Variants in DIP2C observed in about 807,000 individuals in gnomAD.
DIP2C encodes the protein DIP2 acetate--CoA ligase C (putative), also known as disco-interacting protein 2 homolog C.
In DIP2C, 33 loss-of-function variants were observed where a neutral mutation model predicts 192.4. That is an observed-to-expected ratio of 0.17 (90% CI 0.13 to 0.23). The LOEUF is 0.23. DIP2C is among the 10% of genes least tolerant of loss of function. The probability of loss-of-function intolerance (pLI) is 1.00; values close to 1 mark genes in which losing one functional copy is unlikely to be tolerated. For missense variants in DIP2C, 1,537 were observed against 2,110.1 expected, an observed-to-expected ratio of 0.73 and a Z score of 5.32; for synonymous variants, 979 against 864.1, an observed-to-expected ratio of 1.13 and a Z score of -2.33.
intron 1 of DIP2C, among the ~76,000 whole-genome samples, chr10:509,154 C>T (rs1358494003): frequency 1.3e-5 from 2 of 152,024 alleles, no homozygotes; most frequent in South Asian, 2.1e-4. Flanking sequence ...AACTAGGGGT[C>T]GATTGGTTTT....
chr10:606,492 ATTGG>A (rs1318535417), intron 1 of DIP2C, among the ~76,000 whole-genome samples: 1 of 150,406 alleles, frequency 6.6e-6, no homozygotes, highest in African/African-American at 2.5e-5. Context: ...CTGAATTCTC[ATTGG>A]TTGGGAGGGG....
At chr10:391,529 A>G (rs933637273) in intron 10 of DIP2C, among the ~76,000 whole-genome samples, 5 of 152,360 alleles carry the variant, frequency 3.3e-5, no homozygotes, top group African/African-American at 1.2e-4. Flanking sequence ...GACCTACGCC[A>G]GTCGTCACTC....
chr10:380,329 G>GCGCAGAAGAGGC lies in DIP2C; in HGVS notation c.1991+2317_1991+2318insGCCTCTTCTGCG, dbSNP rs1962244947. Among the ~76,000 whole-genome samples, 26 of 148,254 alleles carry GCGCAGAAGAGGC rather than the reference G, an allele frequency of 1.8e-4. No individual in the cohort carries two copies. In the South Asian group the frequency reaches 4.4e-3, roughly 25 times the overall value. ...AGGCTGTCCCTGGAAGATGGTTAAC[G>GCGCAGAAGAGGC]TGCAGAAGAGGCTGTCCCTGGAAGA... On this transcript the variant is annotated intron_variant, in intron 17 of 36. Transcript: ENST00000280886.
At chr10:620,236 G>A (rs61676960) in intron 1 of DIP2C, among the ~76,000 whole-genome samples, 7,108 of 152,128 alleles carry the variant, frequency 0.047, 215 homozygotes, top group East Asian at 0.14. Flanking sequence ...TCTATTTTAT[G>A]GGAGTGTTTC....
chr10:629,239 C>T (rs1270595860), intron 1 of DIP2C, among the ~76,000 whole-genome samples: 2 of 152,304 alleles, frequency 1.3e-5, no homozygotes, highest in Admixed American at 1.3e-4. Context: ...ATTAATTCTC[C>T]TCATGGTCCC....
chr10:472,771 T>C (rs1396993322), intron 2 of DIP2C, among the ~76,000 whole-genome samples: 2 of 152,082 alleles, frequency 1.3e-5, no homozygotes, highest in Admixed American at 1.3e-4. Flanking sequence ...ACGGTCCCTT[T>C]CACAGCACAA....
intron 1 of DIP2C, among the ~76,000 whole-genome samples, chr10:580,727 CATA>C (rs1341371703): frequency 7.2e-5 from 11 of 152,102 alleles, no homozygotes; most frequent in Non-Finnish European, 1.2e-4. Context: ...TCCAGTTCCA[CATA>C]ATTTTTTTTT....
At chr10:502,093 CTA>C (rs1845274862) in intron 1 of DIP2C, among the ~76,000 whole-genome samples, 1 of 152,220 alleles carries the variant, frequency 6.6e-6, no homozygotes, top group Admixed American at 6.5e-5. Flanking sequence ...TTGCACTGAG[CTA>C]TGATTCCACC....
chr10:578,565 T>C (rs1850334445), intron 1 of DIP2C, among the ~76,000 whole-genome samples: 1 of 152,218 alleles, frequency 6.6e-6, no homozygotes, highest in South Asian at 2.1e-4. Context: ...GCAAAGCATC[T>C]ACTAACCTGC....
At chr10:629,201 G>A (rs1164488302) in intron 1 of DIP2C, among the ~76,000 whole-genome samples, 2 of 152,188 alleles carry the variant, frequency 1.3e-5, no homozygotes, top group Non-Finnish European at 2.9e-5. Flanking sequence ...CCTGCACAGG[G>A]CTACGGTAGC....
chr10:550,691 G>C (rs1379194723), intron 1 of DIP2C, among the ~76,000 whole-genome samples: 1 of 151,054 alleles, frequency 6.6e-6, no homozygotes, highest in African/African-American at 2.4e-5. Flanking sequence ...ATCAGGTGGA[G>C]AAAAAAAAAT....
At chr10:392,947 C>T (rs1353470599) in intron 10 of DIP2C, among the ~76,000 whole-genome samples, 1 of 152,210 alleles carries the variant, frequency 6.6e-6, no homozygotes, top group African/African-American at 2.4e-5. Flanking sequence ...CAGATGGACC[C>T]TGCACACAGC....
At chr10:284,473 T>C (rs561012587) in intron 34 of DIP2C, among the ~76,000 whole-genome samples, 1 of 152,300 alleles carries the variant, frequency 6.6e-6, no homozygotes, top group South Asian at 2.1e-4. Flanking sequence ...CTGGAAGACG[T>C]TGTGCTGAGT....
intron 1 of DIP2C, among the ~76,000 whole-genome samples, chr10:494,613 TGAG>T (rs1221100725): frequency 2.0e-5 from 3 of 151,962 alleles, no homozygotes; most frequent in African/African-American, 7.3e-5. Flanking sequence ...AGAGGTGTAA[TGAG>T]GAGGCTGCTC....
chr10:634,153 G>A (rs1264517089), intron 1 of DIP2C, among the ~76,000 whole-genome samples: 3 of 152,222 alleles, frequency 2.0e-5, no homozygotes, highest in Non-Finnish European at 4.4e-5. Flanking sequence ...CAGCTCAGGA[G>A]TGGCGTTTTA....
At chr10:623,709 CTGAGGGGA>C (rs1443125873) in intron 1 of DIP2C, among the ~76,000 whole-genome samples, 1 of 57,360 alleles carries the variant, frequency 1.7e-5, no homozygotes, top group African/African-American at 7.8e-5. Context: ...GGGCCGAGGG[CTGAGGGGA>C]GGAGGGGAGG....
intron 22 of DIP2C, among the ~76,000 whole-genome samples, chr10:360,117 T>G (rs1028873275): frequency 1.2e-4 from 19 of 152,336 alleles, no homozygotes; most frequent in African/African-American, 4.6e-4. Context: ...TGTGCCCGTT[T>G]GCTACATGAA....
chr10:571,671 T>C (rs1005908383), intron 1 of DIP2C, among the ~76,000 whole-genome samples: 4 of 152,190 alleles, frequency 2.6e-5, no homozygotes. Context: ...CAGAAACGTG[T>C]TTTGGACCAT....
At chr10:481,857 C>T (rs1843637101) in intron 2 of DIP2C, among the ~76,000 whole-genome samples, 1 of 152,216 alleles carries the variant, frequency 6.6e-6, no homozygotes, top group South Asian at 2.1e-4. Flanking sequence ...CAGGCAGACT[C>T]AGCCCCTCCG....
Sources: gnomAD v4.1 joint callset for allele counts (sites outside exome capture counted in the v4.1 genomes callset) on GRCh38, gnomAD v4.1.1 for gene constraint, MANE v1.5 for transcripts, NCBI Gene and HGNC (gene_info 2026-07-23, HGNC 2026-07-21) for gene names.